Variants in SETD2 observed in about 807,000 individuals in gnomAD.
SETD2 encodes SET domain containing 2, histone lysine methyltransferase.
In SETD2, 31 loss-of-function variants were observed where a neutral mutation model predicts 242.1. The observed-to-expected ratio is 0.13, with a 90% CI of 0.10 to 0.17. The LOEUF is 0.17. Among genes scored for constraint, SETD2 ranks in the 10% least tolerant of loss-of-function variants. The pLI is 1.00. For missense variants in SETD2, 2,481 were observed against 3,046.3 expected, an observed-to-expected ratio of 0.81 and a Z score of 4.37; for synonymous variants, 1,006 against 1,066.5, an observed-to-expected ratio of 0.94 and a Z score of 1.11.
intron 5 of SETD2, among the ~76,000 whole-genome samples, chr3:47,111,450 G>C (rs188599769): frequency 6.6e-6 from 1 of 152,226 alleles, no homozygotes; most frequent in Admixed American, 6.5e-5. Context: ...CACACTTATA[G>C]TCTCAGCTAC....
chr3:47,081,216 C>T (rs1352205240), intron 12 of SETD2: 3 of 384,828 alleles, frequency 7.8e-6, no homozygotes, highest in Non-Finnish European at 1.1e-5. Flanking sequence ...TCTGCCATCA[C>T]AGCAAAACCA....
intron 1 of SETD2, among the ~76,000 whole-genome samples, chr3:47,143,236 G>A (rs1408150158): frequency 6.6e-6 from 1 of 152,144 alleles, no homozygotes; most frequent in Non-Finnish European, 1.5e-5. Flanking sequence ...CAAGGATGCA[G>A]TGAGCTACGA....
In SETD2 at chr3:47,122,022, GATATAAATC is replaced by G; in HGVS notation, c.2605_2613del (p.Asp869_Tyr871del). On this transcript the variant is annotated inframe_deletion, in exon 3 of 21. Coordinates refer to ENST00000409792, the MANE Select transcript of SETD2 (RefSeq NM_014159.7). ...GCAATACCTGAACTCCCAATAGGTT[GATATAAATC>G]ATCAAAATGATTAACAGAAGCTGAA... The G allele has an allele frequency of 1.9e-6, 3 of 1,613,782 alleles. No homozygotes were observed. Among genetic ancestry groups the G allele is most frequent in the Non-Finnish European group, 2.5e-6 (3 of 1,179,874 alleles).
intron 18 of SETD2, among the ~76,000 whole-genome samples, chr3:47,022,193 T>TCACACACACACACACACACACA (rs55972218): frequency 1.5e-5 from 2 of 130,948 alleles, no homozygotes; most frequent in Non-Finnish European, 3.2e-5. Flanking sequence ...CAACAATCTG[T>TCACACACACACACACACACACA]CACACACACA....
At chr3:47,054,628 C>T (rs189341216) in intron 15 of SETD2, among the ~76,000 whole-genome samples, 3 of 152,246 alleles carry the variant, frequency 2.0e-5, no homozygotes, top group Admixed American at 2.0e-4. Flanking sequence ...TCTCCCTACA[C>T]ACACACACAA....
At chr3:47,051,092 A>G (rs1201723546) in intron 15 of SETD2, among the ~76,000 whole-genome samples, 1 of 148,628 alleles carries the variant, frequency 6.7e-6, no homozygotes, top group African/African-American at 2.5e-5. Flanking sequence ...TGCCATGACC[A>G]TTATTTGTCT....
In SETD2 at chr3:47,042,612, T is replaced by C. The variant is rs1200573511; in HGVS notation, c.7187A>G (p.Lys2396Arg). The change falls in exon 17 of 21, where the codon AAG becomes AGG. Residue 2396 changes from lysine to arginine, a missense_variant. By Grantham distance (26) the Lys-to-Arg change is conservative (BLOSUM62 2). Transcript: ENST00000409792. Reference sequence around the variant, plus strand: ...CTTCCCTTCTGGATCTCGAGCTGTCTTCCAGTTGGGAGGTAAGACAATGGT... The same window carrying C: ...CTTCCCTTCTGGATCTCGAGCTGTCCTCCAGTTGGGAGGTAAGACAATGGT... ...PKTIVLPPNW[K>R]TARDPEGKIY... is the part of the protein sequence containing the mutation. The C allele has an allele frequency of 1.2e-6, 2 of 1,613,938 alleles. No individual in the cohort carries two copies. Among genetic ancestry groups the C allele is most frequent in the African/African-American group, 2.7e-5 (2 of 74,904 alleles).
In SETD2 at chr3:47,057,424, T is replaced by C. The variant is rs765974403; in HGVS notation, c.6360A>G (p.Glu2120=). 8.1e-6 allele frequency: 13 copies of C among 1,614,098 alleles called. No homozygotes were observed. In the Admixed American group the frequency reaches 2.2e-4, roughly 27 times the overall value. ...IKDRNKLSTE[E]RRKLFEQEVA... ...CCTCTTGCTCAAACAACTTCCGGCG[T>C]TCCTCTGTAGAAAGTTTATTGCGGT... Residue 2120 remains glutamate, a synonymous_variant, in exon 15 of 21, where the codon GAA becomes GAG. Transcript: ENST00000409792.
chr3:47,017,389 G>T lies in SETD2; in HGVS notation c.7534-135C>A. Reference sequence around the variant, plus strand: ...AAGACAGGAAGTTAATAAGGGGGTAGATGTTGGGGCAGGCTGGTGCTATGA... The same window carrying T: ...AAGACAGGAAGTTAATAAGGGGGTATATGTTGGGGCAGGCTGGTGCTATGA... On this transcript the variant is annotated intron_variant, in intron 20 of 20. Coordinates refer to ENST00000409792, the MANE Select transcript of SETD2 (RefSeq NM_014159.7). This position sits in a 1 kb window ranked among gnomAD's most constrained non-coding sequence, Gnocchi z 4.8. 1.1e-6 allele frequency: 1 copy of T among 944,864 alleles called. No individual in the cohort carries two copies. The highest frequency in any genetic ancestry group is 1.6e-6 in the Non-Finnish European group (1 of 636,462). 58.5% of individuals were successfully genotyped at this position (944,864 alleles called of 1,614,324 possible).
chr3:47,118,589 C>G (rs2042952861), intron 3 of SETD2, among the ~76,000 whole-genome samples: 1 of 151,150 alleles, frequency 6.6e-6, no homozygotes. Flanking sequence ...GGCGTGGTGG[C>G]ACCCGGCAGA....
chr3:47,074,738 T>G (rs2040976336), intron 12 of SETD2, among the ~76,000 whole-genome samples: 1 of 152,264 alleles, frequency 6.6e-6, no homozygotes, highest in South Asian at 2.1e-4. Flanking sequence ...TTAGAGAAAT[T>G]GCTTATATTT....
At chr3:47,063,816 C>T (rs562221168) in intron 13 of SETD2, among the ~76,000 whole-genome samples, 1 of 152,198 alleles carries the variant, frequency 6.6e-6, no homozygotes, top group South Asian at 2.1e-4. Context: ...AAACTCTCCT[C>T]TACTAAAAAT....
intron 18 of SETD2, among the ~76,000 whole-genome samples, chr3:47,027,767 TTGC>T (rs1052240735): frequency 1.5e-4 from 23 of 151,124 alleles, no homozygotes; most frequent in African/African-American, 5.3e-4. Context: ...CTCAATAAAG[TTGC>T]TGCTGCTGCT....
At chr3:47,155,932 T>G (rs955449898) in intron 1 of SETD2, among the ~76,000 whole-genome samples, 1 of 152,140 alleles carries the variant, frequency 6.6e-6, no homozygotes, top group Non-Finnish European at 1.5e-5. Flanking sequence ...TCTCTCAGGG[T>G]TTTACAATAA....
intron 10 of SETD2, among the ~76,000 whole-genome samples, chr3:47,086,914 C>G (rs1192491367): frequency 6.6e-6 from 1 of 151,644 alleles, no homozygotes; most frequent in African/African-American, 2.4e-5. Flanking sequence ...GTGGTGTGTG[C>G]CTGTAGTCCT....
chr3:47,132,525 C>A (rs2043503738), intron 1 of SETD2, among the ~76,000 whole-genome samples: 1 of 152,094 alleles, frequency 6.6e-6, no homozygotes, highest in Non-Finnish European at 1.5e-5. Flanking sequence ...GTACAGGACA[C>A]TTAAGATTCC....
At chr3:47,075,412 A>G (rs2041017867) in intron 12 of SETD2, among the ~76,000 whole-genome samples, 1 of 149,024 alleles carries the variant, frequency 6.7e-6, no homozygotes, top group African/African-American at 2.5e-5. Context: ...ATACAAAAAG[A>G]AATTAGCCGG....
In SETD2 at chr3:47,116,736, A is replaced by G. The variant is rs1470559897; in HGVS notation, c.4473T>C (p.His1491=). Residue 1491 remains histidine, a synonymous_variant, in exon 4 of 21, where the codon CAT becomes CAC. Coordinates refer to ENST00000409792, the MANE Select transcript of SETD2 (RefSeq NM_014159.7). ...YLTERKKNKS[H]RDIKRMQCEC... Reference sequence around the variant, plus strand: ...CACACTGCATTCGCTTAATATCTCGATGAGATTTATTCTTCTTTCTATTGG... The same window carrying G: ...CACACTGCATTCGCTTAATATCTCGGTGAGATTTATTCTTCTTTCTATTGG... 4.4e-6 allele frequency: 7 copies of G among 1,600,974 alleles called. No homozygotes were observed. In the South Asian group the frequency reaches 5.6e-5, roughly 13 times the overall value.
chr3:47,096,604 T>G, intron 9 of SETD2, among the ~76,000 whole-genome samples: 1 of 143,624 alleles, frequency 7.0e-6, no homozygotes. Context: ...AAAGGGGGGC[T>G]GGGCACTGTG....
Sources: allele counts gnomAD v4.1 joint callset (sites outside exome capture counted in the v4.1 genomes callset), GRCh38; gene constraint gnomAD v4.1.1; non-coding constraint Gnocchi (gnomAD v3.1); transcripts MANE v1.5; gene names NCBI Gene and HGNC (gene_info 2026-07-23, HGNC 2026-07-21).